PRELID2: variants seen among roughly 807,000 people sequenced by gnomAD.
PRELID2 encodes PRELI domain containing 2.
Under a neutral mutation model 28.4 loss-of-function variants are expected in PRELID2, and 25 were observed. The observed-to-expected ratio is 0.88, with a 90% CI of 0.64 to 1.23. The LOEUF is 1.23. Among genes scored for constraint, PRELID2 ranks in the 50% most tolerant of loss-of-function variants. PRELID2 has a pLI of 0.00. For synonymous variants in PRELID2, 76 were observed against 71.6 expected (o/e 1.06, Z -0.31); for missense variants, 201 against 214.4 (o/e 0.94, Z 0.39).
At chr5:145,319,881 A>G in the PRELID2 span, among the ~76,000 whole-genome samples, 1 of 152,270 alleles carries the variant, frequency 6.6e-6, no homozygotes, top group Non-Finnish European at 1.5e-5. Context: ...CCAGAGCAGT[A>G]CTTTGTTTAT....
Position 145,760,084 on chromosome 5 carries a change from A to C in PRELID2, c.*452T>G, listed in dbSNP as rs1757397788. Reference sequence around the variant, plus strand: ...CACCCGTGAATCAGGTACCAGTTCAACTCCCTTATTGGTTCCAGAATCCCC... The same window carrying C: ...CACCCGTGAATCAGGTACCAGTTCACCTCCCTTATTGGTTCCAGAATCCCC... On this transcript the variant is annotated 3_prime_UTR_variant, in exon 7 of 7. Coordinates refer to ENST00000683046, the MANE Select transcript of PRELID2 (RefSeq NM_205846.3). The C allele has an allele frequency of 6.6e-6, 1 of 151,950 alleles. No homozygotes were observed. Among genetic ancestry groups the C allele is most frequent in the African/African-American group, 2.4e-5 (1 of 41,340 alleles). The allele number at this position is 151,950 out of a possible 1,614,324, so 9.4% of individuals were successfully genotyped here.
the PRELID2 span, among the ~76,000 whole-genome samples, chr5:145,421,240 G>A: frequency 1.4e-5 from 2 of 147,518 alleles, no homozygotes; most frequent in Admixed American, 1.4e-4. Context: ...GAATGATGCT[G>A]GCCTCATAAA....
chr5:145,413,554 C>A, the PRELID2 span, among the ~76,000 whole-genome samples: 2 of 150,882 alleles, frequency 1.3e-5, no homozygotes, highest in Non-Finnish European at 2.9e-5. Flanking sequence ...CAATTTGTAA[C>A]TGGAAAAATA....
At chr5:145,700,890 C>T (rs886965463) in intron 1 of PRELID2, among the ~76,000 whole-genome samples, 19 of 152,180 alleles carry the variant, frequency 1.2e-4, no homozygotes, top group African/African-American at 4.1e-4. Flanking sequence ...CATGGCCATA[C>T]GGACCACAGA....
intron 1 of PRELID2, among the ~76,000 whole-genome samples, chr5:145,588,581 A>G (rs1260910790): frequency 6.6e-6 from 1 of 152,174 alleles, no homozygotes; most frequent in Non-Finnish European, 1.5e-5. Flanking sequence ...AATTTTAAGT[A>G]GTACAATAAG....
intron 1 of PRELID2, among the ~76,000 whole-genome samples, chr5:145,743,339 A>C (rs890232390): frequency 2.0e-5 from 3 of 149,990 alleles, no homozygotes. Context: ...TGAACCCAAG[A>C]GGCAGAGGCT....
the PRELID2 span, among the ~76,000 whole-genome samples, chr5:145,363,668 A>T: frequency 2.0e-5 from 3 of 152,030 alleles, no homozygotes; most frequent in Non-Finnish European, 4.4e-5. Context: ...CCTACAATAT[A>T]TTTGCCAAAT....
At chr5:145,517,750 AT>A (rs1315325933) in intron 1 of PRELID2, among the ~76,000 whole-genome samples, 3 of 152,244 alleles carry the variant, frequency 2.0e-5, no homozygotes, top group African/African-American at 7.2e-5. Flanking sequence ...CCAAATGCCC[AT>A]CAGTAATAGA....
At chr5:145,399,341 T>C in the PRELID2 span, among the ~76,000 whole-genome samples, 3 of 151,952 alleles carry the variant, frequency 2.0e-5, no homozygotes, top group African/African-American at 7.3e-5. Flanking sequence ...TCATAGAAAA[T>C]AAATTAATAT....
chr5:145,724,448 C>T (rs1036320573), intron 1 of PRELID2, among the ~76,000 whole-genome samples: 1 of 150,498 alleles, frequency 6.6e-6, no homozygotes, highest in Non-Finnish European at 1.5e-5. Flanking sequence ...ATCTATAATA[C>T]CAATATTAAG....
intron 1 of PRELID2, among the ~76,000 whole-genome samples, chr5:145,693,823 G>A (rs771611614): frequency 3.9e-5 from 6 of 152,280 alleles, no homozygotes; most frequent in Admixed American, 2.0e-4. Context: ...GAGTATCTAT[G>A]TACTGAAACA....
rs541448410 is a variant in PRELID2, at chr5:145,804,441, C to T, written c.369-7894G>A. Among the ~76,000 whole-genome samples the T allele has an allele frequency of 1.4e-4, 21 of 152,038 alleles. No individual in the cohort carries two copies. The South Asian group carries it at 3.3e-3, about 24-fold the overall frequency. Reference sequence around the variant, plus strand: ...AGGAGAATTGCTTGAACCCAGGAGGCGGAGGTTGTGGTGAGCCGAGATCAC... The same window carrying T: ...AGGAGAATTGCTTGAACCCAGGAGGTGGAGGTTGTGGTGAGCCGAGATCAC... On this transcript the variant is annotated intron_variant, in intron 4 of 6. Coordinates refer to ENST00000683046, the MANE Select transcript of PRELID2 (RefSeq NM_205846.3).
the PRELID2 span, among the ~76,000 whole-genome samples, chr5:145,257,426 T>A: frequency 4.0e-5 from 6 of 151,876 alleles, no homozygotes; most frequent in African/African-American, 1.5e-4. Flanking sequence ...TATTTTAAAA[T>A]AATTTATGCA....
At chr5:145,395,515 G>A in the PRELID2 span, among the ~76,000 whole-genome samples, 9 of 152,256 alleles carry the variant, frequency 5.9e-5, no homozygotes, top group South Asian at 8.3e-4. Flanking sequence ...AGAACAAGCC[G>A]GGAGTAGTGC....
At chr5:145,688,050 C>T (rs559450892) in intron 1 of PRELID2, among the ~76,000 whole-genome samples, 9 of 152,310 alleles carry the variant, frequency 5.9e-5, no homozygotes, top group African/African-American at 1.7e-4. Flanking sequence ...CATTGGCATC[C>T]TGAAATCATA....
At chr5:145,372,375 A>T in the PRELID2 span, among the ~76,000 whole-genome samples, 1 of 151,976 alleles carries the variant, frequency 6.6e-6, no homozygotes, top group African/African-American at 2.4e-5. Context: ...TTACATGGTC[A>T]ATTTTAGAAT....
chr5:145,682,845 T>A (rs1393449101), intron 1 of PRELID2, among the ~76,000 whole-genome samples: 3 of 152,200 alleles, frequency 2.0e-5, no homozygotes, highest in Non-Finnish European at 4.4e-5. Context: ...CTGGCTGGCT[T>A]TCACTTGGCA....
intron 1 of PRELID2, among the ~76,000 whole-genome samples, chr5:145,734,342 A>G (rs1337696188): frequency 6.6e-6 from 1 of 152,176 alleles, no homozygotes; most frequent in African/African-American, 2.4e-5. Flanking sequence ...GTAAGGTATT[A>G]CATTTGTGTT....
chr5:145,584,495 AC>A (rs2149626925), intron 1 of PRELID2, among the ~76,000 whole-genome samples: 1 of 152,232 alleles, frequency 6.6e-6, no homozygotes, highest in East Asian at 1.9e-4. Flanking sequence ...GAGTGAACAG[AC>A]AACCTACAGC....
Sources: gnomAD v4.1 joint callset for allele counts (sites outside exome capture counted in the v4.1 genomes callset) on GRCh38, gnomAD v4.1.1 for gene constraint, MANE v1.5 for transcripts, NCBI Gene and HGNC (gene_info 2026-07-23, HGNC 2026-07-21) for gene names.